The following MCTP1 variants were observed in gnomAD, a reference collection of about 807,000 sequenced individuals.
MCTP1 encodes multiple C2 and transmembrane domain containing 1.
In MCTP1, 69 loss-of-function variants were observed where a neutral mutation model predicts 120.6. That is an observed-to-expected ratio of 0.57 (90% CI 0.47 to 0.70). MCTP1 has a LOEUF of 0.70. MCTP1 is among the 30% of genes least tolerant of loss of function. MCTP1 has a pLI of 0.00. For missense variants in MCTP1, 1,203 were observed against 1,248.8 expected (o/e 0.96, Z 0.55); for synonymous variants, 529 against 493.1 (o/e 1.07, Z -0.96).
At chr5:95,211,160 T>C (rs1752321474) in intron 1 of MCTP1, among the ~76,000 whole-genome samples, 1 of 152,126 alleles carries the variant, frequency 6.6e-6, no homozygotes, top group South Asian at 2.1e-4. Flanking sequence ...GTCTTGGAGT[T>C]GCTCTTCTCG....
intron 1 of MCTP1, among the ~76,000 whole-genome samples, chr5:95,197,891 C>T (rs1750570753): frequency 6.6e-6 from 1 of 152,044 alleles, no homozygotes; most frequent in Non-Finnish European, 1.5e-5. Flanking sequence ...TGTACATTCT[C>T]CTACGTACTT....
chr5:95,237,188 C>T (rs1486759252), intron 1 of MCTP1, among the ~76,000 whole-genome samples: 1 of 152,078 alleles, frequency 6.6e-6, no homozygotes, highest in East Asian at 1.9e-4. Flanking sequence ...CCAAACATAG[C>T]CATGGCATAG....
intron 1 of MCTP1, among the ~76,000 whole-genome samples, chr5:95,196,622 A>G (rs1417009689): frequency 7.9e-5 from 12 of 152,224 alleles, no homozygotes; most frequent in Non-Finnish European, 1.5e-5. Flanking sequence ...TCCTATAAGT[A>G]TATGCAGACT....
At chr5:94,893,902 C>G (rs1264294967) in intron 11 of MCTP1, among the ~76,000 whole-genome samples, 1 of 152,164 alleles carries the variant, frequency 6.6e-6, no homozygotes, top group Non-Finnish European at 1.5e-5. Context: ...TTCATGGGTA[C>G]TAAGGCATTT....
At chr5:94,834,370 A>T (rs1580936444) in intron 17 of MCTP1, among the ~76,000 whole-genome samples, 1 of 152,198 alleles carries the variant, frequency 6.6e-6, no homozygotes, top group African/African-American at 2.4e-5. Context: ...CCTTTTGAAT[A>T]TTCAAACATA....
chr5:95,161,854 C>G (rs1204174585), intron 1 of MCTP1, among the ~76,000 whole-genome samples: 1 of 152,130 alleles, frequency 6.6e-6, no homozygotes, highest in Non-Finnish European at 1.5e-5. Flanking sequence ...CTGTGCTCTG[C>G]TAATCACTCT....
chr5:95,274,681 G>T (rs614940), intron 1 of MCTP1, among the ~76,000 whole-genome samples: 128,055 of 151,634 alleles, frequency 0.84, 54,169 homozygotes, highest in African/African-American at 0.9. Flanking sequence ...TGGAGTGCAG[G>T]GGTGTGATCT....
At chr5:95,053,607 TAGAA>T (rs1396336666) in intron 1 of MCTP1, among the ~76,000 whole-genome samples, 3 of 152,120 alleles carry the variant, frequency 2.0e-5, no homozygotes, top group Non-Finnish European at 4.4e-5. Flanking sequence ...TTATTTGTGT[TAGAA>T]AGAAAATGAG....
At chr5:95,192,245 T>C (rs777794526) in intron 1 of MCTP1, among the ~76,000 whole-genome samples, 1 of 152,044 alleles carries the variant, frequency 6.6e-6, no homozygotes, top group African/African-American at 2.4e-5. Flanking sequence ...TGGTGAGGCA[T>C]GTATGTATAA....
chr5:95,170,899 A>C (rs1036694793), intron 1 of MCTP1, among the ~76,000 whole-genome samples: 1 of 152,010 alleles, frequency 6.6e-6, no homozygotes, highest in Non-Finnish European at 1.5e-5. Context: ...TGGAGCATTT[A>C]GTCCATTTAC....
At chr5:94,715,721 A>G (rs1243722311) in intron 19 of MCTP1, among the ~76,000 whole-genome samples, 1 of 152,204 alleles carries the variant, frequency 6.6e-6, no homozygotes, top group Admixed American at 6.5e-5. Context: ...TTCACAATTG[A>G]AAATTCTGCT....
At chr5:94,823,314 C>T (rs1786120351) in intron 17 of MCTP1, among the ~76,000 whole-genome samples, 1 of 151,906 alleles carries the variant, frequency 6.6e-6, no homozygotes, top group Non-Finnish European at 1.5e-5. Context: ...AATCCTTTCC[C>T]CACTGCTTTT....
intron 1 of MCTP1, among the ~76,000 whole-genome samples, chr5:95,234,673 C>T (rs1422317074): frequency 3.9e-5 from 6 of 152,086 alleles, no homozygotes; most frequent in Non-Finnish European, 7.4e-5. Flanking sequence ...ATTACACATT[C>T]TATAAATATT....
chr5:95,207,308 G>A (rs1405538388), intron 1 of MCTP1, among the ~76,000 whole-genome samples: 1 of 152,146 alleles, frequency 6.6e-6, no homozygotes, highest in Non-Finnish European at 1.5e-5. Context: ...CTGGGACAGA[G>A]GAGGGACATG....
At chr5:94,911,453 T>C (rs767837285) in intron 9 of MCTP1, among the ~76,000 whole-genome samples, 14 of 152,170 alleles carry the variant, frequency 9.2e-5, no homozygotes, top group Non-Finnish European at 1.5e-4. Flanking sequence ...CCCTTGCTGT[T>C]CTTATGATAG....
rs532807486 is a variant in MCTP1 at position 94,966,263 on chromosome 5, C to A, written c.839-12902G>T. On this transcript the variant is annotated intron_variant, in intron 2 of 22. Coordinates refer to ENST00000515393, the MANE Select transcript of MCTP1 (RefSeq NM_024717.7). ...TCTTCTATTCAACAGTTTAGGAATCCCAGACACCCATATTTTTCTTTAACT... is the reference window on the plus strand; with the variant it reads ...TCTTCTATTCAACAGTTTAGGAATCACAGACACCCATATTTTTCTTTAACT... Among the ~76,000 whole-genome samples the A allele has an allele frequency of 8.5e-5, 13 of 152,176 alleles. No individual in the cohort carries two copies. The South Asian group carries it at 2.7e-3, about 32-fold the overall frequency.
intron 1 of MCTP1, among the ~76,000 whole-genome samples, chr5:95,204,174 T>C (rs1181327481): frequency 2.0e-5 from 3 of 152,214 alleles, no homozygotes; most frequent in African/African-American, 7.2e-5. Context: ...AGTCAATTTA[T>C]TCCATTCCTA....
chr5:95,023,147 C>T lies in MCTP1; in HGVS notation c.721-5663G>A, dbSNP rs568962166. 7.2e-5 allele frequency among the ~76,000 whole-genome samples: 11 copies of T among 152,272 alleles called. No homozygotes were observed. The South Asian group carries it at 2.3e-3, about 32-fold the overall frequency. The stretch of plus-strand genomic sequence containing the variant: ...GTTTCACTCTGTGGGCAACATGAAA[C>T]CATCACAGGCTTTTGAAGACAGAAA... On this transcript the variant is annotated intron_variant, in intron 1 of 22. Coordinates refer to ENST00000515393, the MANE Select transcript of MCTP1 (RefSeq NM_024717.7).
At chr5:95,243,232 G>A (rs1018733219) in intron 1 of MCTP1, among the ~76,000 whole-genome samples, 1 of 152,026 alleles carries the variant, frequency 6.6e-6, no homozygotes, top group African/African-American at 2.4e-5. Flanking sequence ...AAAAAAAGAG[G>A]GAAATATAAA....
Sources: allele counts gnomAD v4.1 joint callset (sites outside exome capture counted in the v4.1 genomes callset), GRCh38; gene constraint gnomAD v4.1.1; transcripts MANE v1.5; gene names NCBI Gene and HGNC (gene_info 2026-07-23, HGNC 2026-07-21).